ESCO2: variants seen among roughly 807,000 people sequenced by gnomAD.
The protein encoded by ESCO2 is establishment of sister chromatid cohesion N-acetyltransferase 2.
ESCO2 carries 51 observed loss-of-function variants against 61.7 expected under a neutral mutation model. The observed-to-expected ratio is 0.83, with a 90% CI of 0.66 to 1.04. The LOEUF (loss-of-function observed/expected upper bound fraction) is 1.04, where lower values mean the gene tolerates loss of function less well. ESCO2 is among the 50% of genes least tolerant of loss of function. The pLI is 0.00. For synonymous variants in ESCO2, 230 were observed against 238.2 expected (o/e 0.97, Z 0.32); for missense variants, 692 against 686.2 (o/e 1.01, Z -0.09).
chr8:27,800,748 T>C (rs1054454668), intron 10 of ESCO2, among the ~76,000 whole-genome samples: 20 of 152,194 alleles, frequency 1.3e-4, no homozygotes, highest in African/African-American at 4.3e-4. Flanking sequence ...ATAATAACAA[T>C]GGGATGTTAT....
At chr8:27,789,238 A>G (rs1805119375) in intron 7 of ESCO2, among the ~76,000 whole-genome samples, 1 of 152,132 alleles carries the variant, frequency 6.6e-6, no homozygotes, top group Admixed American at 6.5e-5. Context: ...CTTAGGAAAA[A>G]AATAGCCTTC....
chr8:27,774,954 C>T (rs1158947508), intron 1 of ESCO2: 1 of 156,146 alleles, frequency 6.4e-6, no homozygotes, highest in Admixed American at 6.2e-5. Flanking sequence ...CCCAGAGACC[C>T]TGGCCTTTCA....
intron 5 of ESCO2, among the ~76,000 whole-genome samples, chr8:27,785,076 C>T (rs1805007891): frequency 6.6e-6 from 1 of 152,190 alleles, no homozygotes. Flanking sequence ...TTATTTGGCT[C>T]ACAGTTATAG....
chr8:27,783,681 C>A (rs1010719443), intron 4 of ESCO2, among the ~76,000 whole-genome samples: 3 of 152,148 alleles, frequency 2.0e-5, no homozygotes, highest in Non-Finnish European at 4.4e-5. Context: ...CTTAGGCGAT[C>A]CTCCCACTTT....
chr8:27,799,730 T>C lies in ESCO2; in HGVS notation c.1673+14T>C, dbSNP rs368116644. 8.7e-6 allele frequency: 14 copies of C among 1,613,600 alleles called. No individual in the cohort carries two copies. The African/African-American group carries it at 1.6e-4, about 18-fold the overall frequency. ...TGATACCCTCAGGTAAGAAATAAAATGGATCTAGATCCAGAACCTTAGATT... is the reference window on the plus strand; with the variant it reads ...TGATACCCTCAGGTAAGAAATAAAACGGATCTAGATCCAGAACCTTAGATT... On this transcript the variant is annotated intron_variant, in intron 10 of 10. Transcript: ENST00000305188.
At chr8:27,811,261 A>G, downstream of ESCO2, 1 of 738,102 alleles carries the variant, frequency 1.4e-6, no homozygotes, top group South Asian at 1.6e-5. Flanking sequence ...CAGAAAATGT[A>G]AAAATACACT....
downstream of ESCO2, chr8:27,810,846 G>GGT (rs1246017725): frequency 1.5e-5 from 11 of 726,210 alleles, no homozygotes; most frequent in Non-Finnish European, 1.8e-5. Context: ...ATTAAACCTT[G>GGT]GTGGTACCAA....
intron 9 of ESCO2, 72 bp from the exon 10 acceptor site, chr8:27,799,469 A>G (rs776602772): frequency 3.3e-6 from 5 of 1,501,650 alleles, no homozygotes; most frequent in Non-Finnish European, 3.7e-6. Context: ...TACTTATTTA[A>G]GGAATTTTTT....
chr8:27,813,620 A>T (rs1805746722), downstream of ESCO2, among the ~76,000 whole-genome samples: 2 of 152,094 alleles, frequency 1.3e-5, 1 homozygote, highest in South Asian at 4.1e-4. Flanking sequence ...TCATATAGTT[A>T]CCATTTTTTT....
chr8:27,772,164 T>C (rs1804644444), upstream of ESCO2: 1 of 380,500 alleles, frequency 2.6e-6, no homozygotes, highest in Non-Finnish European at 4.8e-6. Context: ...AGGCCGCAGA[T>C]GGAAGGTGGG....
Position 27,804,910 on chromosome 8 carries a change from C to A in ESCO2, c.*1472C>A. 1 of 365,748 alleles carries A rather than the reference C, an allele frequency of 2.7e-6. No homozygotes were observed. Among genetic ancestry groups the A allele is most frequent in the East Asian group, 1.7e-4 (1 of 6,038 alleles). 22.7% of individuals were successfully genotyped at this position (365,748 alleles called of 1,614,324 possible). A position where few individuals can be genotyped will look rare whatever the true frequency, so the allele number is the denominator to read the frequency against. ...AATTCTTTATTTTATACAACTAAAT[C>A]TGATTTTAATTATTTTATTATGAAA... On this transcript the variant is annotated 3_prime_UTR_variant, in exon 11 of 11. Transcript: ENST00000305188.
At chr8:27,786,969 G>T (rs1805060361) in intron 5 of ESCO2, among the ~76,000 whole-genome samples, 1 of 151,584 alleles carries the variant, frequency 6.6e-6, no homozygotes, top group South Asian at 2.1e-4. Context: ...TACAAACTCA[G>T]TACCTACAGA....
upstream of ESCO2, chr8:27,773,528 ACT>A (rs1276322373): frequency 1.5e-5 from 2 of 133,832 alleles, no homozygotes; most frequent in African/African-American, 2.8e-5. Flanking sequence ...ACTCAAGCAA[ACT>A]CTACATTCTT....
downstream of ESCO2, chr8:27,810,586 A>AGG: frequency 1.4e-6 from 1 of 734,074 alleles, no homozygotes; most frequent in Admixed American, 2.6e-5. Flanking sequence ...TCCTGAAACA[A>AGG]GAATTTATGG....
intron 9 of ESCO2, among the ~76,000 whole-genome samples, chr8:27,793,231 G>C (rs1428854111): frequency 6.6e-6 from 1 of 152,106 alleles, no homozygotes; most frequent in Non-Finnish European, 1.5e-5. Flanking sequence ...TTAGAAGTTG[G>C]AGAGAAAAGC....
chr8:27,780,188 C>T lies in ESCO2; in HGVS notation c.876C>T (p.Asp292=). 1 of 1,606,244 alleles carries T rather than the reference C, an allele frequency of 6.2e-7. No homozygotes were observed. Among genetic ancestry groups the T allele is most frequent in the Non-Finnish European group, 8.5e-7 (1 of 1,174,240 alleles). Residue 292 remains aspartate, a synonymous_variant, in exon 4 of 11, where the codon GAC becomes GAT. Coordinates refer to ENST00000305188, the MANE Select transcript of ESCO2 (RefSeq NM_001017420.3). ...KEKLIKDSSD[D]RVSSKEHKVD... Reference sequence around the variant, plus strand: ...CCTATTTTCAGGATTCATCAGATGACAGAGTTTCTTCAAAGGAACATAAAG... The same window carrying T: ...CCTATTTTCAGGATTCATCAGATGATAGAGTTTCTTCAAAGGAACATAAAG...
At chr8:27,795,127 C>T (rs113813722) in intron 9 of ESCO2, among the ~76,000 whole-genome samples, 2,920 of 152,180 alleles carry the variant, frequency 0.019, 102 homozygotes, top group African/African-American at 0.066. Context: ...GACATTTTAA[C>T]GATATTAATT....
chr8:27,814,017 G>A (rs574479426), downstream of ESCO2, among the ~76,000 whole-genome samples: 16 of 152,114 alleles, frequency 1.1e-4, no homozygotes, highest in South Asian at 2.1e-4. Flanking sequence ...CATCAGGACC[G>A]ATAGGATGTC....
At position 27,799,626 on chromosome 8, in the gene ESCO2, C is replaced by T. The variant is rs748442064; in HGVS notation, c.1583C>T (p.Pro528Leu). Residue 528 changes from proline (P) to leucine (L), a missense_variant, in exon 10 of 11, where the codon CCA becomes CTA. By Grantham distance (98) the Pro-to-Leu change is moderately conservative (BLOSUM62 -3). Coordinates refer to ENST00000305188, the MANE Select transcript of ESCO2 (RefSeq NM_001017420.3). ...AGGGCTTGGCAATGTTCAGATGTAC[C>T]AGAACCTGCAGTCTGTGGGATAAGT... ...CPRAWQCSDV[P>L]EPAVCGISRI... The T allele has an allele frequency of 6.2e-7, 1 of 1,613,808 alleles. No homozygotes were observed. The highest frequency in any genetic ancestry group is 8.5e-7 in the Non-Finnish European group (1 of 1,179,970).
Sources: allele counts gnomAD v4.1 joint callset (sites outside exome capture counted in the v4.1 genomes callset), GRCh38; gene constraint gnomAD v4.1.1; transcripts MANE v1.5; gene names NCBI Gene and HGNC (gene_info 2026-07-23, HGNC 2026-07-21).